PHLPP1: variants seen among roughly 807,000 people sequenced by gnomAD.
PHLPP1 encodes the protein PH domain leucine-rich repeat-containing protein phosphatase 1.
A neutral mutation model predicts 117.2 loss-of-function variants in PHLPP1; 42 were observed. The ratio of observed to expected loss-of-function variants is 0.36; its 90% confidence interval spans 0.28 to 0.46. The LOEUF is 0.46. Ranked by LOEUF, PHLPP1 falls within the 20% of genes least tolerant of loss-of-function variation. The pLI is 1.00. For missense variants in PHLPP1, 2,084 were observed against 2,241.9 expected (o/e 0.93, Z 1.42); for synonymous variants, 1,042 against 970.7 (o/e 1.07, Z -1.37).
At chr18:62,787,980 T>C (rs1308886771) in intron 1 of PHLPP1, among the ~76,000 whole-genome samples, 2 of 152,236 alleles carry the variant, frequency 1.3e-5, no homozygotes, top group Admixed American at 1.3e-4. Context: ...TGGGAGAACA[T>C]TGCTAGTTTT....
chr18:62,965,916 C>A (rs1196595468), intron 14 of PHLPP1, among the ~76,000 whole-genome samples: 1 of 150,762 alleles, frequency 6.6e-6, no homozygotes, highest in Non-Finnish European at 1.5e-5. Flanking sequence ...TTCCAATTAG[C>A]AAGGGGAGCC....
intron 1 of PHLPP1, among the ~76,000 whole-genome samples, chr18:62,747,175 CTT>C (rs923143194): frequency 6.6e-6 from 1 of 150,994 alleles, no homozygotes; most frequent in African/African-American, 2.4e-5. Flanking sequence ...AATTTATGCT[CTT>C]ATTTTTAATT....
chr18:62,889,431 T>G (rs1029906643), intron 4 of PHLPP1: 2 of 152,212 alleles, frequency 1.3e-5, no homozygotes, highest in African/African-American at 2.4e-5. Flanking sequence ...TCCCTCTACC[T>G]TGTCAAATAT....
At chr18:62,766,076 A>AAAATATATATATATATATATAT in intron 1 of PHLPP1, among the ~76,000 whole-genome samples, 5 of 21,654 alleles carry the variant, frequency 2.3e-4, no homozygotes, top group Admixed American at 7.9e-4. Flanking sequence ...AAAAAAAAAA[A>AAAATATATATATATATATATAT]ATATATATAT....
chr18:62,829,825 G>T (rs1019268688), intron 1 of PHLPP1, among the ~76,000 whole-genome samples: 4 of 152,112 alleles, frequency 2.6e-5, no homozygotes, highest in African/African-American at 7.2e-5. Flanking sequence ...TATGGAAAAG[G>T]CTCTTCACTT....
intron 12 of PHLPP1, among the ~76,000 whole-genome samples, chr18:62,953,580 A>G (rs1357118118): frequency 1.3e-5 from 2 of 152,012 alleles, no homozygotes; most frequent in Non-Finnish European, 1.5e-5. Flanking sequence ...TCCCCCCACT[A>G]TCTTGGGAGT....
At chr18:62,849,828 A>ATATATATATATATATATATATATATAT (rs1297336371) in intron 3 of PHLPP1, among the ~76,000 whole-genome samples, 31 of 26,088 alleles carry the variant, frequency 1.2e-3, no homozygotes, top group East Asian at 2.2e-3. Flanking sequence ...AAAAAAAAAA[A>ATATATATATATATATATATATATATAT]AAAAATATAT....
intron 1 of PHLPP1, among the ~76,000 whole-genome samples, chr18:62,769,478 C>T (rs931842279): frequency 2.2e-4 from 34 of 152,164 alleles, no homozygotes; most frequent in African/African-American, 3.4e-4. Context: ...TGTAATCATG[C>T]GAGGATTCAA....
At chr18:62,826,734 G>C (rs963034335) in intron 1 of PHLPP1, among the ~76,000 whole-genome samples, 5 of 152,148 alleles carry the variant, frequency 3.3e-5, no homozygotes, top group African/African-American at 1.2e-4. Flanking sequence ...CGGGCGCGGT[G>C]GTTCATGCCT....
chr18:62,726,583 C>CTTTTTTT (rs869190741), intron 1 of PHLPP1, among the ~76,000 whole-genome samples: 14 of 110,024 alleles, frequency 1.3e-4, no homozygotes, highest in African/African-American at 2.5e-4. Context: ...CTGTTCTGTT[C>CTTTTTTT]TTTTTTTTTT....
intron 3 of PHLPP1, among the ~76,000 whole-genome samples, chr18:62,844,075 G>A (rs1324473257): frequency 6.6e-6 from 1 of 152,162 alleles, no homozygotes; most frequent in Non-Finnish European, 1.5e-5. Context: ...GGCCGGGCGT[G>A]GTGGCTCACA....
At chr18:62,968,380 GT>G in intron 14 of PHLPP1, among the ~76,000 whole-genome samples, 1 of 151,406 alleles carries the variant, frequency 6.6e-6, no homozygotes, top group African/African-American at 2.4e-5. Flanking sequence ...TCTGTTCTGG[GT>G]TTTTTTTAAC....
At chr18:62,756,602 G>A (rs577806921) in intron 1 of PHLPP1, among the ~76,000 whole-genome samples, 3 of 152,232 alleles carry the variant, frequency 2.0e-5, no homozygotes, top group African/African-American at 7.2e-5. Flanking sequence ...GGCAGGCTTC[G>A]CTCTTGGCCA....
At chr18:62,851,222 T>G (rs927341583) in intron 3 of PHLPP1, among the ~76,000 whole-genome samples, 4 of 152,316 alleles carry the variant, frequency 2.6e-5, no homozygotes, top group Middle Eastern at 3.4e-3. Context: ...CCTTGGAGGA[T>G]CTCTTGGTCT....
At chr18:62,884,811 G>T (rs1300189482) in intron 4 of PHLPP1, among the ~76,000 whole-genome samples, 1 of 152,146 alleles carries the variant, frequency 6.6e-6, no homozygotes, top group East Asian at 1.9e-4. Context: ...CTCTTCCTGG[G>T]TGTTACTTGT....
At chr18:62,722,216 G>C (rs759889242) in intron 1 of PHLPP1, among the ~76,000 whole-genome samples, 2 of 152,128 alleles carry the variant, frequency 1.3e-5, no homozygotes, top group Non-Finnish European at 2.9e-5. Flanking sequence ...AGAGTTAACA[G>C]GTTTCTCCCA....
At position 62,877,676 on chromosome 18, in the gene PHLPP1, G is replaced by A. The variant is rs571643356; in HGVS notation, c.2066+17075G>A. ...CTTTCTTATACAGCTTTGCTTTTCA[G>A]ATGGAATTGTGATCCTCTTGGGAAG... is the stretch of plus-strand genomic sequence containing the variant. On this transcript the variant is annotated intron_variant, in intron 4 of 16. Coordinates refer to ENST00000262719, the MANE Select transcript of PHLPP1 (RefSeq NM_194449.4). Among the ~76,000 whole-genome samples the A allele has an allele frequency of 4.6e-5, 7 of 152,298 alleles. No homozygotes were observed. In the East Asian group the frequency reaches 1.2e-3, roughly 25 times the overall value.
intron 1 of PHLPP1, among the ~76,000 whole-genome samples, chr18:62,805,305 A>G (rs1030496972): frequency 6.7e-6 from 1 of 149,334 alleles, no homozygotes; most frequent in Non-Finnish European, 1.5e-5. Flanking sequence ...TGCATAGGTT[A>G]TACATATACA....
chr18:62,753,525 ATGTTTC>A (rs1217930216), intron 1 of PHLPP1, among the ~76,000 whole-genome samples: 1 of 152,194 alleles, frequency 6.6e-6, no homozygotes. Context: ...TCCCTAGCAG[ATGTTTC>A]TGTTCACTGC....
Sources: gnomAD v4.1 joint callset for allele counts (sites outside exome capture counted in the v4.1 genomes callset) on GRCh38, gnomAD v4.1.1 for gene constraint, MANE v1.5 for transcripts, NCBI Gene and HGNC (gene_info 2026-07-23, HGNC 2026-07-21) for gene names.